The following HGF variants were observed in gnomAD, a reference collection of about 807,000 sequenced individuals.
HGF encodes the protein fibroblast-derived tumor cytotoxic factor.
HGF carries 39 observed loss-of-function variants against 111.6 expected under a neutral mutation model. The observed-to-expected ratio is 0.35, with a 90% confidence interval of 0.27 to 0.46. HGF has a LOEUF of 0.46. HGF is among the 20% of genes least tolerant of loss of function. The probability of loss-of-function intolerance (pLI) is 1.00; values close to 1 mark genes in which losing one functional copy is unlikely to be tolerated. For synonymous variants in HGF, 285 were observed against 294.8 expected, an observed-to-expected ratio of 0.97 and a Z score of 0.34; for missense variants, 735 against 910.5, an observed-to-expected ratio of 0.81 and a Z score of 2.48.
At chr7:81,723,056 A>G (rs529689251) in intron 9 of HGF, among the ~76,000 whole-genome samples, 1 of 152,214 alleles carries the variant, frequency 6.6e-6, no homozygotes, top group East Asian at 1.9e-4. Flanking sequence ...TGGGAAAAAT[A>G]ACTAATGGGT....
At chr7:81,744,892 G>T in intron 6 of HGF, 108 bp downstream of exon 6, 2 of 1,209,602 alleles carry the variant, frequency 1.7e-6, no homozygotes, top group Non-Finnish European at 2.4e-6. Context: ...TTATGTTCAT[G>T]TCCTATCGGG....
intron 4 of HGF, among the ~76,000 whole-genome samples, chr7:81,753,200 A>G (rs1269319766): frequency 6.6e-6 from 1 of 152,106 alleles, no homozygotes. Flanking sequence ...TTAACACATT[A>G]GAAAAGGCCA....
At chr7:81,703,126 G>A (rs369563032) in intron 17 of HGF, among the ~76,000 whole-genome samples, 2 of 151,390 alleles carry the variant, frequency 1.3e-5, no homozygotes, top group South Asian at 2.1e-4. Flanking sequence ...ATCTTCTTAT[G>A]TTCAATATAG....
In HGF at chr7:81,702,536, A is replaced by G. The variant is rs767556298; in HGVS notation, c.*45T>C. 1.4e-6 allele frequency: 2 copies of G among 1,461,022 alleles called. No homozygotes were observed. Among genetic ancestry groups the G allele is most frequent in the Admixed American group, 3.4e-5 (2 of 59,300 alleles). 90.5% of individuals were successfully genotyped at this position (1,461,022 alleles called of 1,614,324 possible). ...TCCACATTCTCTGAAATCTTCATGT[A>G]AAAGACAGTTGTATTGGTGGGTGCT... On this transcript the variant is annotated 3_prime_UTR_variant, in exon 18 of 18. Coordinates refer to ENST00000222390, the MANE Select transcript of HGF (RefSeq NM_000601.6).
chr7:81,750,013 C>T (rs1320694162), intron 5 of HGF, among the ~76,000 whole-genome samples: 1 of 151,966 alleles, frequency 6.6e-6, no homozygotes, highest in African/African-American at 2.4e-5. Flanking sequence ...TTATAACTTA[C>T]CATTTAATTT....
intron 11 of HGF, among the ~76,000 whole-genome samples, chr7:81,712,791 A>C (rs1348463080): frequency 6.6e-6 from 1 of 152,216 alleles, no homozygotes; most frequent in Non-Finnish European, 1.5e-5. Flanking sequence ...ATTCCTTTGT[A>C]ATAGATGCCA....
chr7:81,752,041 G>T, intron 5 of HGF, 79 bp downstream of exon 5: 1 of 1,581,342 alleles, frequency 6.3e-7, no homozygotes, highest in African/African-American at 1.3e-5. Flanking sequence ...TTGATTCGTT[G>T]CTGTTAACCT....
At chr7:81,741,902 C>G (rs1408437982) in intron 7 of HGF, among the ~76,000 whole-genome samples, 1 of 125,378 alleles carries the variant, frequency 8.0e-6, no homozygotes, top group African/African-American at 3.0e-5. Flanking sequence ...TGTGCCATTG[C>G]ACTCCAGCTT....
At chr7:81,719,148 C>T (rs1432417942) in intron 10 of HGF, among the ~76,000 whole-genome samples, 2 of 152,138 alleles carry the variant, frequency 1.3e-5, no homozygotes, top group African/African-American at 4.8e-5. Flanking sequence ...TTGGCCTTTG[C>T]ACATGCAATT....
chr7:81,742,955 G>A (rs1208421656), intron 7 of HGF: 1 of 1,612,890 alleles, frequency 6.2e-7, no homozygotes, highest in Non-Finnish European at 8.5e-7. Context: ...TGTCTCTGGG[G>A]AGGAAAGGTA....
intron 7 of HGF, among the ~76,000 whole-genome samples, chr7:81,733,490 T>G (rs1787731519): frequency 6.6e-6 from 1 of 152,064 alleles, no homozygotes. Context: ...TGGAAATATT[T>G]GTCATTATTT....
At chr7:81,721,091 C>A (rs1460308928) in intron 9 of HGF, among the ~76,000 whole-genome samples, 1 of 151,998 alleles carries the variant, frequency 6.6e-6, no homozygotes, top group Non-Finnish European at 1.5e-5. Context: ...TTTAAAAATA[C>A]AAAAAATTAG....
At chr7:81,745,268 C>A in intron 5 of HGF, 148 bp from the exon 6 acceptor site, 1 of 767,634 alleles carries the variant, frequency 1.3e-6, no homozygotes. Flanking sequence ...GGCCTAATGT[C>A]TATAAATAGT....
intron 12 of HGF, 104 bp from the exon 13 acceptor site, chr7:81,710,347 C>T (rs1452094796): frequency 5.1e-6 from 4 of 788,188 alleles, no homozygotes; most frequent in Non-Finnish European, 8.9e-6. Flanking sequence ...TGTAACTATT[C>T]TTATTGTGTC....
intron 1 of HGF, among the ~76,000 whole-genome samples, chr7:81,763,392 G>A (rs1789199102): frequency 6.6e-6 from 1 of 151,974 alleles, no homozygotes; most frequent in Non-Finnish European, 1.5e-5. Flanking sequence ...TCATATTTTA[G>A]CCCCTCTCTC....
At position 81,702,897 on chromosome 7, in the gene HGF, T is replaced by C. The variant is rs5745765; in HGVS notation, c.2011-140A>G. 0.022 allele frequency: 16,051 copies of C among 728,062 alleles called. 306 individuals carry two copies. The highest frequency in any genetic ancestry group is 0.085 in the East Asian group (3,143 of 37,062). The allele number at this position is 728,062 out of a possible 1,614,324, so 45.1% of individuals were successfully genotyped here. A position where few individuals can be genotyped will look rare whatever the true frequency, so the allele number is the denominator to read the frequency against. On this transcript the variant is annotated intron_variant, in intron 17 of 17. Coordinates refer to ENST00000222390, the MANE Select transcript of HGF (RefSeq NM_000601.6). Reference sequence around the variant, plus strand: ...CAACTGAAATATGAAGATATAAAAATTAGTGTACTAGACATTTGTTGACTT... The same window carrying C: ...CAACTGAAATATGAAGATATAAAAACTAGTGTACTAGACATTTGTTGACTT...
chr7:81,769,817 G>C, intron 1 of HGF, 67 bp downstream of exon 1: 1 of 1,183,498 alleles, frequency 8.4e-7, no homozygotes. Context: ...GTGTTAAAAG[G>C]AATAGGGAAG....
At chr7:81,753,150 T>C (rs975837903) in intron 4 of HGF, among the ~76,000 whole-genome samples, 1 of 152,142 alleles carries the variant, frequency 6.6e-6, no homozygotes, top group Non-Finnish European at 1.5e-5. Context: ...TTAAAATTTC[T>C]AGTGCCCTAC....
At chr7:81,768,236 C>T (rs1246302552) in intron 1 of HGF, among the ~76,000 whole-genome samples, 2 of 152,176 alleles carry the variant, frequency 1.3e-5, no homozygotes, top group East Asian at 1.9e-4. Context: ...GTTCCCCTTG[C>T]GTTAGCACAG....
Sources: allele counts gnomAD v4.1 joint callset (sites outside exome capture counted in the v4.1 genomes callset), GRCh38; gene constraint gnomAD v4.1.1; transcripts MANE v1.5; gene names NCBI Gene and HGNC (gene_info 2026-07-23, HGNC 2026-07-21).